Variants in SLC17A3 observed in about 807,000 individuals in gnomAD.
SLC17A3 encodes the protein sodium-dependent phosphate transport protein 4.
In SLC17A3, 61 loss-of-function variants were observed where a neutral mutation model predicts 60.3. The ratio of observed to expected loss-of-function variants is 1.01; its 90% CI spans 0.82 to 1.25. The LOEUF (loss-of-function observed/expected upper bound fraction) is 1.25, where lower values mean the gene tolerates loss of function less well. SLC17A3 is among the 50% of genes most tolerant of loss of function. SLC17A3 has a pLI of 0.00. For synonymous variants in SLC17A3, 192 were observed against 208.9 expected, an observed-to-expected ratio of 0.92 and a Z score of 0.70; for missense variants, 624 against 594.9, an observed-to-expected ratio of 1.05 and a Z score of -0.51.
intron 11 of SLC17A3, among the ~76,000 whole-genome samples, chr6:25,847,100 A>G (rs1704267655): frequency 6.6e-6 from 1 of 151,488 alleles, no homozygotes; most frequent in African/African-American, 2.4e-5. Flanking sequence ...AGTAAGATCC[A>G]GTGTCTGTTG....
chr6:25,850,591 G>A lies in SLC17A3; in HGVS notation c.861C>T (p.Ile287=), dbSNP rs771615370. 1 of 1,614,014 alleles carries A rather than the reference G, an allele frequency of 6.2e-7. No homozygotes were observed. Among genetic ancestry groups the A allele is most frequent in the Non-Finnish European group, 8.5e-7 (1 of 1,179,938 alleles). The change falls in exon 8 of 13, where the codon ATC becomes ATT. Residue 287 remains isoleucine (I), a synonymous_variant. Coordinates refer to ENST00000397060, the MANE Select transcript of SLC17A3 (RefSeq NM_001098486.2). The part of the protein sequence containing the change: ...QVGSSKQPLP[I]KAMLRSLPIW... ...TGGGTAGAGATCTGAGCATAGCTTTGATGGGAAGAGGCTGCTTAGAAGACC... is the reference window on the plus strand; with the variant it reads ...TGGGTAGAGATCTGAGCATAGCTTTAATGGGAAGAGGCTGCTTAGAAGACC...
intron 11 of SLC17A3, among the ~76,000 whole-genome samples, chr6:25,845,788 C>G (rs1765164724): frequency 6.6e-6 from 1 of 152,156 alleles, no homozygotes; most frequent in African/African-American, 2.4e-5. Context: ...TGAATCTCGA[C>G]TATATAAACT....
Position 25,868,330 on chromosome 6 carries a change from T to C in SLC17A3, c.58A>G (p.Met20Val), listed in dbSNP as rs1316310157. 6.2e-7 allele frequency: 1 copy of C among 1,612,106 alleles called. No homozygotes were observed. The highest frequency in any genetic ancestry group is 1.3e-5 in the African/African-American group (1 of 74,768). The change falls in exon 2 of 13, where the codon ATG (methionine) becomes GTG (valine). Residue 20 changes from methionine (M) to valine (V), a missense_variant. By Grantham distance (21) the Met-to-Val change is conservative. Transcript: ENST00000397060. Reference sequence around the variant, plus strand: ...GGGATCAGTGTCTCATCCACTTGCATATCTTGTGCGTTCTTGCTCTCCCTT... The same window carrying C: ...GGGATCAGTGTCTCATCCACTTGCACATCTTGTGCGTTCTTGCTCTCCCTT... ...TARESKNAQD[M>V]QVDETLIPRK...
intron 1 of SLC17A3, among the ~76,000 whole-genome samples, chr6:25,869,691 T>C (rs1265735134): frequency 1.3e-5 from 2 of 151,878 alleles, no homozygotes; most frequent in South Asian, 2.1e-4. Flanking sequence ...TATAAAACTA[T>C]CAGAACTCAT....
intron 6 of SLC17A3, among the ~76,000 whole-genome samples, chr6:25,853,406 GTTTTTTTTTTTTTTT>G (rs70977233): frequency 1.7e-5 from 1 of 58,726 alleles, no homozygotes; most frequent in Non-Finnish European, 3.1e-5. Context: ...ATTTCTGCAT[GTTTTTTTTTTTTTTT>G]TTTTTTTTTT....
At chr6:25,870,556 A>G (rs1018153354) in intron 1 of SLC17A3, among the ~76,000 whole-genome samples, 7 of 151,992 alleles carry the variant, frequency 4.6e-5, no homozygotes, top group African/African-American at 1.7e-4. Flanking sequence ...ATTATCCTGA[A>G]TTAAGCAGCA....
intron 11 of SLC17A3, among the ~76,000 whole-genome samples, chr6:25,849,137 T>A (rs1056164631): frequency 6.6e-6 from 1 of 152,216 alleles, no homozygotes; most frequent in African/African-American, 2.4e-5. Flanking sequence ...AAGACACCTA[T>A]GCAGCTGTGT....
In SLC17A3 at chr6:25,861,902, C is replaced by A. The variant is rs762098724; in HGVS notation, c.431G>T (p.Gly144Val). 1 of 1,612,712 alleles carries A rather than the reference C, an allele frequency of 6.2e-7. No homozygotes were observed. Among genetic ancestry groups the A allele is most frequent in the Non-Finnish European group, 8.5e-7 (1 of 1,179,316 alleles). Residue 144 changes from glycine (G) to valine (V), a missense_variant, in exon 4 of 13, where the codon GGC becomes GTC. Coordinates refer to ENST00000397060, the MANE Select transcript of SLC17A3 (RefSeq NM_001098486.2). The part of the protein sequence containing the change: ...AGRVGTKRVV[G>V]ISLFATSFLT... The stretch of plus-strand genomic sequence containing the variant: ...AAATGAAGTTGCAAACAAAGAAATG[C>A]CAACCACTCGCTTTGTTCCTACTCT...
chr6:25,864,780 A>T (rs1474474087), intron 2 of SLC17A3, among the ~76,000 whole-genome samples: 2 of 152,056 alleles, frequency 1.3e-5, no homozygotes. Context: ...TTGAGGCATA[A>T]CATTGGGAGT....
chr6:25,845,353 A>C (rs546061947), intron 12 of SLC17A3, 27 bp downstream of exon 12: 3 of 1,613,520 alleles, frequency 1.9e-6, no homozygotes, highest in South Asian at 2.2e-5. Context: ...TATGGCTATA[A>C]CCATGCATAA....
chr6:25,870,540 T>C (rs1050837227), intron 1 of SLC17A3, among the ~76,000 whole-genome samples: 1 of 152,002 alleles, frequency 6.6e-6, no homozygotes, highest in African/African-American at 2.4e-5. Context: ...CTGAAGCCAC[T>C]CCAAGATTAT....
At chr6:25,873,664 A>T (rs78736581) in intron 1 of SLC17A3, among the ~76,000 whole-genome samples, 5,869 of 152,082 alleles carry the variant, frequency 0.039, 307 homozygotes, top group African/African-American at 0.12. Context: ...CTGGATCTTG[A>T]TGCAGCATTT....
intron 5 of SLC17A3, among the ~76,000 whole-genome samples, chr6:25,861,301 G>GA (rs112982394): frequency 0.043 from 6,454 of 151,016 alleles, 391 homozygotes; most frequent in African/African-American, 0.13. Flanking sequence ...ATAAACTGAA[G>GA]AAAAAAAAGC....
chr6:25,848,477 G>A (rs991965299), intron 11 of SLC17A3, among the ~76,000 whole-genome samples: 1 of 152,052 alleles, frequency 6.6e-6, no homozygotes, highest in Non-Finnish European at 1.5e-5. Context: ...TTTTTCACAT[G>A]TTTTTTGGAC....
At chr6:25,869,340 A>G (rs761716862) in intron 1 of SLC17A3, among the ~76,000 whole-genome samples, 1 of 152,012 alleles carries the variant, frequency 6.6e-6, no homozygotes, top group South Asian at 2.1e-4. Flanking sequence ...TCTACCAGTA[A>G]TAAACCAAAC....
At chr6:25,868,188 TA>T in intron 2 of SLC17A3, 108 bp downstream of exon 2, 1 of 820,616 alleles carries the variant, frequency 1.2e-6, no homozygotes, top group Non-Finnish European at 2.1e-6. Flanking sequence ...ACTGGATTTG[TA>T]AAAAGAATTA....
intron 5 of SLC17A3, among the ~76,000 whole-genome samples, chr6:25,855,754 G>A (rs1765347815): frequency 1.3e-5 from 2 of 152,070 alleles, no homozygotes; most frequent in African/African-American, 4.8e-5. Context: ...AACTTTTATA[G>A]CTTTTCAGAA....
In SLC17A3 at chr6:25,845,179, A is replaced by G. The variant is rs1765150605; in HGVS notation, c.*122T>C. ...AAAGTCTGAATAAAATAATGAACTG[A>G]TCTCATAATTGAAAAGAGCCACAGG... On this transcript the variant is annotated 3_prime_UTR_variant, in exon 13 of 13. Coordinates refer to ENST00000397060, the MANE Select transcript of SLC17A3 (RefSeq NM_001098486.2). The G allele has an allele frequency of 3.6e-6, 2 of 553,910 alleles. No homozygotes were observed. Among genetic ancestry groups the G allele is most frequent in the Non-Finnish European group, 6.4e-6 (2 of 313,864 alleles). 34.3% of individuals were successfully genotyped at this position (553,910 alleles called of 1,614,324 possible).
chr6:25,848,042 C>T (rs184443120), intron 11 of SLC17A3, among the ~76,000 whole-genome samples: 59 of 152,284 alleles, frequency 3.9e-4, no homozygotes, highest in African/African-American at 1.4e-3. Context: ...TAATAGTCTC[C>T]AATCCCATCC....
Sources: gnomAD v4.1 joint callset for allele counts (sites outside exome capture counted in the v4.1 genomes callset) on GRCh38, gnomAD v4.1.1 for gene constraint, MANE v1.5 for transcripts, NCBI Gene and HGNC (gene_info 2026-07-23, HGNC 2026-07-21) for gene names.